Variants in LRRC4C observed in about 807,000 individuals in gnomAD.
LRRC4C encodes leucine-rich repeat-containing protein 4C.
In LRRC4C, 5 loss-of-function variants were observed where a neutral mutation model predicts 33.6. That is an observed-to-expected ratio of 0.15 (90% CI 0.08 to 0.31). The LOEUF (loss-of-function observed/expected upper bound fraction) is 0.31, where lower values mean the gene tolerates loss of function less well. Ranked by LOEUF, LRRC4C falls within the 10% of genes least tolerant of loss-of-function variation. The pLI is 1.00. For missense variants in LRRC4C, 560 were observed against 796.7 expected (o/e 0.70, Z 3.58); for synonymous variants, 329 against 302.0 (o/e 1.09, Z -0.93).
chr11:41,186,038 G>C (rs1182098368), intron 1 of LRRC4C, among the ~76,000 whole-genome samples: 1 of 151,966 alleles, frequency 6.6e-6, no homozygotes, highest in Admixed American at 6.6e-5. Flanking sequence ...TAAACACATA[G>C]AAAAAATGTC....
At chr11:40,279,754 T>C (rs1257678146) in intron 4 of LRRC4C, among the ~76,000 whole-genome samples, 1 of 152,166 alleles carries the variant, frequency 6.6e-6, no homozygotes, top group Non-Finnish European at 1.5e-5. Context: ...ATGTCTGTGC[T>C]GTTATGTCAT....
chr11:40,936,841 C>T (rs928424249), intron 1 of LRRC4C, among the ~76,000 whole-genome samples: 1 of 152,110 alleles, frequency 6.6e-6, no homozygotes, highest in Non-Finnish European at 1.5e-5. Context: ...CCAACCTAGA[C>T]AGCTTTCTAA....
intron 3 of LRRC4C, among the ~76,000 whole-genome samples, chr11:40,511,468 C>A (rs1955311924): frequency 6.6e-6 from 1 of 152,136 alleles, no homozygotes; most frequent in South Asian, 2.1e-4. Context: ...TGCTATGGAC[C>A]AGTGCCTACT....
intron 1 of LRRC4C, among the ~76,000 whole-genome samples, chr11:40,964,747 C>A (rs894481597): frequency 6.6e-6 from 1 of 151,896 alleles, no homozygotes; most frequent in Non-Finnish European, 1.5e-5. Context: ...ATATGTGCCA[C>A]ATTTTCTTAA....
At chr11:41,087,706 A>G (rs1565371592) in intron 1 of LRRC4C, among the ~76,000 whole-genome samples, 2 of 152,138 alleles carry the variant, frequency 1.3e-5, no homozygotes, top group Non-Finnish European at 2.9e-5. Context: ...TTCAAAAGCT[A>G]TTTGTGCCCT....
intron 1 of LRRC4C, among the ~76,000 whole-genome samples, chr11:41,278,761 G>A (rs761717302): frequency 1.3e-5 from 2 of 152,196 alleles, no homozygotes; most frequent in Non-Finnish European, 2.9e-5. Flanking sequence ...GTGAGTTGTA[G>A]CAGATAGCAA....
intron 1 of LRRC4C, among the ~76,000 whole-genome samples, chr11:40,970,621 T>G (rs1418898214): frequency 6.6e-6 from 1 of 152,082 alleles, no homozygotes; most frequent in Non-Finnish European, 1.5e-5. Flanking sequence ...GGGAACAACT[T>G]TGGGACTGGG....
At chr11:40,651,529 G>T (rs1456729963) in intron 2 of LRRC4C, among the ~76,000 whole-genome samples, 4 of 152,056 alleles carry the variant, frequency 2.6e-5, no homozygotes, top group Non-Finnish European at 4.4e-5. Context: ...ATTTAATAAA[G>T]TATCCATCTA....
At chr11:41,042,179 C>T (rs1196921526) in intron 1 of LRRC4C, among the ~76,000 whole-genome samples, 1 of 152,080 alleles carries the variant, frequency 6.6e-6, no homozygotes, top group African/African-American at 2.4e-5. Flanking sequence ...ATATCTTTGT[C>T]AGATGATAGC....
intron 3 of LRRC4C, among the ~76,000 whole-genome samples, chr11:40,587,805 C>T (rs1487148691): frequency 6.6e-6 from 1 of 152,122 alleles, no homozygotes; most frequent in African/African-American, 2.4e-5. Flanking sequence ...TTGAACCAGC[C>T]TTGCATCCCA....
At chr11:41,136,749 C>T (rs1299711453) in intron 1 of LRRC4C, among the ~76,000 whole-genome samples, 1 of 152,072 alleles carries the variant, frequency 6.6e-6, no homozygotes, top group African/African-American at 2.4e-5. Context: ...TTCCATTTTT[C>T]CTCTCCTTCC....
At chr11:40,623,274 A>T (rs1366712864) in intron 3 of LRRC4C, among the ~76,000 whole-genome samples, 1 of 151,876 alleles carries the variant, frequency 6.6e-6, no homozygotes, top group African/African-American at 2.4e-5. Context: ...AACCTTTTTT[A>T]AAAAAATTAC....
intron 1 of LRRC4C, among the ~76,000 whole-genome samples, chr11:41,353,369 G>A (rs1404892723): frequency 2.6e-5 from 4 of 151,968 alleles, no homozygotes; most frequent in Admixed American, 1.3e-4. Flanking sequence ...AAATGAATCA[G>A]TAATTAAAAA....
At chr11:40,813,672 G>T (rs1565092495) in intron 2 of LRRC4C, among the ~76,000 whole-genome samples, 1 of 152,020 alleles carries the variant, frequency 6.6e-6, no homozygotes, top group Non-Finnish European at 1.5e-5. Flanking sequence ...ACAGTCCAAT[G>T]TCTCATCTGC....
At chr11:40,567,450 G>C (rs116084555) in intron 3 of LRRC4C, among the ~76,000 whole-genome samples, 1 of 152,100 alleles carries the variant, frequency 6.6e-6, no homozygotes, top group Non-Finnish European at 1.5e-5. Context: ...GCAGTTTGAC[G>C]TAATTATAAT....
intron 1 of LRRC4C, among the ~76,000 whole-genome samples, chr11:41,282,585 A>G (rs1260150028): frequency 6.6e-6 from 1 of 152,176 alleles, no homozygotes; most frequent in Non-Finnish European, 1.5e-5. Flanking sequence ...CCTAACAGGC[A>G]TATGGAAACT....
chr11:41,376,360 C>T (rs886223820), intron 1 of LRRC4C, among the ~76,000 whole-genome samples: 3 of 152,082 alleles, frequency 2.0e-5, no homozygotes, highest in Admixed American at 2.0e-4. Flanking sequence ...TTACCTATTG[C>T]CCAAATGTCT....
At chr11:40,527,015 T>C (rs1410668644) in intron 3 of LRRC4C, among the ~76,000 whole-genome samples, 1 of 152,140 alleles carries the variant, frequency 6.6e-6, no homozygotes, top group African/African-American at 2.4e-5. Context: ...AAGCTAGACA[T>C]ATAAAATTAT....
chr11:40,200,786 A>AAAAGAG (rs1862681288), intron 5 of LRRC4C, among the ~76,000 whole-genome samples: 1 of 142,066 alleles, frequency 7.0e-6, no homozygotes, highest in Non-Finnish European at 1.5e-5. Flanking sequence ...AAAAAAAAAA[A>AAAAGAG]AAGAAAAGAA....
Sources: allele counts gnomAD v4.1 joint callset (sites outside exome capture counted in the v4.1 genomes callset), GRCh38; gene constraint gnomAD v4.1.1; transcripts MANE v1.5; gene names NCBI Gene and HGNC (gene_info 2026-07-23, HGNC 2026-07-21).